The following ADAMTS6 variants were observed in gnomAD, a reference collection of about 807,000 sequenced individuals.
ADAMTS6 encodes A disintegrin and metalloproteinase with thrombospondin motifs 6.
Under a neutral mutation model 144.3 loss-of-function variants are expected in ADAMTS6, and 23 were observed. The ratio of observed to expected loss-of-function variants is 0.16; its 90% CI spans 0.11 to 0.23. The LOEUF (loss-of-function observed/expected upper bound fraction) is 0.23, where lower values mean the gene tolerates loss of function less well. Ranked by LOEUF, ADAMTS6 falls within the 10% of genes least tolerant of loss-of-function variation. The pLI is 1.00. For synonymous variants in ADAMTS6, 444 were observed against 457.5 expected, an observed-to-expected ratio of 0.97 and a Z score of 0.38; for missense variants, 999 against 1,379.6, an observed-to-expected ratio of 0.72 and a Z score of 4.37.
rs750637450 is a variant in ADAMTS6, at chr5:65,333,997, TAAAAAAAAAAAAAA to T, written c.1117+31_1117+44del. On this transcript the variant is annotated intron_variant, in intron 8 of 24. Coordinates refer to ENST00000381055, the MANE Select transcript of ADAMTS6 (RefSeq NM_197941.4). ...ACAATCAGAACCATTCTACCTTTAT[TAAAAAAAAAAAAAA>T]AAAAAAAAAAAAAAACCAAAAAAAA... 154 of 842,414 alleles carry T rather than the reference TAAAAAAAAAAAAAA, an allele frequency of 1.8e-4. No individual in the cohort carries two copies. The South Asian group carries it at 3.8e-3, about 21-fold the overall frequency. The allele number at this position is 842,414 out of a possible 1,614,324, so 52.2% of individuals were successfully genotyped here. A position where few individuals can be genotyped will look rare whatever the true frequency, so the allele number is the denominator to read the frequency against.
intron 23 of ADAMTS6, among the ~76,000 whole-genome samples, chr5:65,171,648 T>G (rs1753637926): frequency 6.6e-6 from 1 of 152,130 alleles, no homozygotes; most frequent in South Asian, 2.1e-4. Context: ...TGTATGTGAT[T>G]AAACTATTAG....
At chr5:65,298,880 C>T (rs1743105992) in intron 10 of ADAMTS6, among the ~76,000 whole-genome samples, 1 of 151,924 alleles carries the variant, frequency 6.6e-6, no homozygotes, top group Non-Finnish European at 1.5e-5. Flanking sequence ...AAAATATATG[C>T]TCTGGCTATT....
Position 65,217,862 on chromosome 5 carries a change from A to G in ADAMTS6, c.2273-2375T>C, listed in dbSNP as rs372153259. Among the ~76,000 whole-genome samples, 35 of 152,328 alleles carry G rather than the reference A, an allele frequency of 2.3e-4. No individual in the cohort carries two copies. The East Asian group carries it at 3.1e-3, about 13-fold the overall frequency. On this transcript the variant is annotated intron_variant, in intron 18 of 24. Coordinates refer to ENST00000381055, the MANE Select transcript of ADAMTS6 (RefSeq NM_197941.4). ...TCACTTTCATGCTGAAATAACTGGT[A>G]TTAGAATTGCCCTCCCATTGTAAAT...
intron 11 of ADAMTS6, among the ~76,000 whole-genome samples, chr5:65,273,762 A>T (rs748306800): frequency 6.6e-6 from 1 of 152,184 alleles, no homozygotes; most frequent in African/African-American, 2.4e-5. Flanking sequence ...GACTATGTAG[A>T]AAGGAAATAT....
At chr5:65,262,638 GGAA>G (rs939508436) in intron 13 of ADAMTS6, among the ~76,000 whole-genome samples, 176 bp downstream of exon 13, 11 of 152,166 alleles carry the variant, frequency 7.2e-5, no homozygotes, top group South Asian at 2.1e-4. Context: ...TAAGGGGAAA[GGAA>G]GAAGAAGAAA....
At chr5:65,352,264 A>G (rs1193634977) in intron 7 of ADAMTS6, among the ~76,000 whole-genome samples, 2 of 152,220 alleles carry the variant, frequency 1.3e-5, no homozygotes, top group Non-Finnish European at 2.9e-5. Context: ...TATCAGGAAG[A>G]TAGGCATAGA....
At chr5:65,283,583 C>T (rs1763149516) in intron 11 of ADAMTS6, among the ~76,000 whole-genome samples, 1 of 152,026 alleles carries the variant, frequency 6.6e-6, no homozygotes, top group Admixed American at 6.6e-5. Context: ...ATCAAATAAA[C>T]TTCTTGTCAA....
At chr5:65,350,811 G>T (rs1005619046) in intron 7 of ADAMTS6, among the ~76,000 whole-genome samples, 46 of 151,932 alleles carry the variant, frequency 3.0e-4, no homozygotes, top group Non-Finnish European at 3.5e-4. Flanking sequence ...GCGCAACCAG[G>T]CCCGGCCAAT....
At chr5:65,440,750 CCACAAGATT>C (rs954219030) in intron 7 of ADAMTS6, among the ~76,000 whole-genome samples, 5 of 151,968 alleles carry the variant, frequency 3.3e-5, no homozygotes, top group Non-Finnish European at 7.4e-5. Context: ...AACTGGAAAA[CCACAAGATT>C]CACAGGGCAA....
At chr5:65,292,627 T>C (rs1327666438) in intron 10 of ADAMTS6, among the ~76,000 whole-genome samples, 1 of 152,158 alleles carries the variant, frequency 6.6e-6, no homozygotes, top group East Asian at 1.9e-4. Context: ...ATTAATACCT[T>C]TTAAAAACTG....
At chr5:65,362,859 C>A (rs1250173085) in intron 7 of ADAMTS6, among the ~76,000 whole-genome samples, 1 of 152,116 alleles carries the variant, frequency 6.6e-6, no homozygotes, top group East Asian at 1.9e-4. Flanking sequence ...GTCAAGAAAT[C>A]TTTTTAAAAA....
At chr5:65,436,634 G>A (rs980731225) in intron 7 of ADAMTS6, among the ~76,000 whole-genome samples, 2 of 152,042 alleles carry the variant, frequency 1.3e-5, no homozygotes, top group African/African-American at 2.4e-5. Context: ...TCAGGAGTTC[G>A]AGGCCAGCCT....
At chr5:65,235,101 G>T (rs376037075) in intron 15 of ADAMTS6, among the ~76,000 whole-genome samples, 1 of 152,260 alleles carries the variant, frequency 6.6e-6, no homozygotes, top group African/African-American at 2.4e-5. Context: ...TGCTCAAAGG[G>T]TACAAGCTTT....
intron 7 of ADAMTS6, among the ~76,000 whole-genome samples, chr5:65,357,637 AC>A (rs945922687): frequency 2.0e-5 from 3 of 151,776 alleles, no homozygotes; most frequent in Admixed American, 6.6e-5. Flanking sequence ...TTCAAAAAAA[AC>A]ATAAACAAAA....
chr5:65,160,309 CTTTT>C (rs796848986), intron 24 of ADAMTS6, among the ~76,000 whole-genome samples: 6 of 139,412 alleles, frequency 4.3e-5, no homozygotes, highest in African/African-American at 2.6e-5. Context: ...CTCCGACTTT[CTTTT>C]TTTTTTTTTT....
chr5:65,449,263 C>G (rs979974580), intron 7 of ADAMTS6, among the ~76,000 whole-genome samples: 2 of 152,184 alleles, frequency 1.3e-5, no homozygotes, highest in African/African-American at 4.8e-5. Flanking sequence ...AACTACTAAT[C>G]TTATTAAATC....
rs570239422 is a variant in ADAMTS6 at position 65,256,233 on chromosome 5, T to C, written c.1830+4367A>G. Among the ~76,000 whole-genome samples, 6 of 152,352 alleles carry C rather than the reference T, an allele frequency of 3.9e-5. No homozygotes were observed. In the East Asian group the frequency reaches 5.8e-4, roughly 15 times the overall value. ...CACTAGCAACATTTCAAGTCCTTAATAGCTAATTTGGCTAGTGGCTATCGG... is the reference window on the plus strand; with the variant it reads ...CACTAGCAACATTTCAAGTCCTTAACAGCTAATTTGGCTAGTGGCTATCGG... On this transcript the variant is annotated intron_variant, in intron 14 of 24. Coordinates refer to ENST00000381055, the MANE Select transcript of ADAMTS6 (RefSeq NM_197941.4).
intron 21 of ADAMTS6, among the ~76,000 whole-genome samples, chr5:65,195,499 T>C (rs1755284677): frequency 6.6e-6 from 1 of 152,198 alleles, no homozygotes; most frequent in African/African-American, 2.4e-5. Flanking sequence ...GGACTAGTAG[T>C]GAGTATCACC....
intron 10 of ADAMTS6, among the ~76,000 whole-genome samples, chr5:65,298,664 C>T (rs1351584824): frequency 6.6e-6 from 1 of 151,956 alleles, no homozygotes; most frequent in Admixed American, 6.6e-5. Context: ...TTTTCTGTTA[C>T]TAAGATTAAA....
Sources: allele counts gnomAD v4.1 joint callset (sites outside exome capture counted in the v4.1 genomes callset), GRCh38; gene constraint gnomAD v4.1.1; transcripts MANE v1.5; gene names NCBI Gene and HGNC (gene_info 2026-07-23, HGNC 2026-07-21).